Variants in FAF1 observed in about 807,000 individuals in gnomAD.
The protein encoded by FAF1 is FAS-associated factor 1.
Under a neutral mutation model 92.5 loss-of-function variants are expected in FAF1, and 25 were observed. The observed-to-expected ratio is 0.27, with a 90% confidence interval of 0.20 to 0.38. FAF1 has a LOEUF of 0.38. FAF1 is among the 10% of genes least tolerant of loss of function. The pLI, the probability that FAF1 is intolerant of heterozygous loss-of-function variation, is 1.00. For missense variants in FAF1, 636 were observed against 793.3 expected, an observed-to-expected ratio of 0.80 and a Z score of 2.38; for synonymous variants, 234 against 273.2, an observed-to-expected ratio of 0.86 and a Z score of 1.42.
chr1:50,810,179 T>C (rs927101644), intron 2 of FAF1, among the ~76,000 whole-genome samples: 9 of 152,114 alleles, frequency 5.9e-5, no homozygotes, highest in African/African-American at 1.9e-4. Context: ...TGCTTGAACC[T>C]GGGAGACAGA....
At chr1:50,721,138 A>G (rs115955738) in intron 6 of FAF1, among the ~76,000 whole-genome samples, 1 of 152,130 alleles carries the variant, frequency 6.6e-6, no homozygotes, top group Non-Finnish European at 1.5e-5. Flanking sequence ...CATGAAAATA[A>G]CAAAAAGTTG....
intron 15 of FAF1, among the ~76,000 whole-genome samples, chr1:50,517,615 G>A (rs1372388264): frequency 6.6e-6 from 1 of 152,218 alleles, no homozygotes; most frequent in African/African-American, 2.4e-5. Context: ...AGGTGATTGT[G>A]ATACTAGTAG....
chr1:50,959,737 G>A (rs1171138122), intron 1 of FAF1, 30 bp downstream of exon 1: 3 of 1,593,384 alleles, frequency 1.9e-6, no homozygotes, highest in East Asian at 2.3e-5. Flanking sequence ...GAGGTTGGAA[G>A]TGGGAGGGGA....
chr1:50,581,829 A>C (rs1046278716), intron 12 of FAF1, among the ~76,000 whole-genome samples: 11 of 152,206 alleles, frequency 7.2e-5, no homozygotes, highest in Non-Finnish European at 1.6e-4. Context: ...CACTATTGCC[A>C]GATTTATTTA....
chr1:50,649,178 A>G (rs1246721119), intron 8 of FAF1, among the ~76,000 whole-genome samples: 2 of 150,650 alleles, frequency 1.3e-5, no homozygotes, highest in African/African-American at 4.9e-5. Context: ...TTTTTTAGAC[A>G]GAGTTTTGCT....
At chr1:50,652,866 T>C (rs1557457368) in intron 8 of FAF1, among the ~76,000 whole-genome samples, 1 of 152,188 alleles carries the variant, frequency 6.6e-6, no homozygotes, top group Non-Finnish European at 1.5e-5. Flanking sequence ...GTCGACTCAT[T>C]TACTGAGTGT....
chr1:50,748,408 A>C (rs983081699), intron 4 of FAF1, among the ~76,000 whole-genome samples: 3 of 152,018 alleles, frequency 2.0e-5, no homozygotes, highest in Non-Finnish European at 4.4e-5. Flanking sequence ...GAGGCAGGAG[A>C]ATCACTTGAA....
intron 15 of FAF1, among the ~76,000 whole-genome samples, chr1:50,530,297 ATGAG>A (rs1042561469): frequency 2.3e-5 from 3 of 131,936 alleles, no homozygotes; most frequent in African/African-American, 5.5e-5. Context: ...GTATATATGT[ATGAG>A]TGTGTGTGTG....
intron 1 of FAF1, among the ~76,000 whole-genome samples, chr1:50,890,052 T>C (rs1644705943): frequency 6.6e-6 from 1 of 152,194 alleles, no homozygotes; most frequent in African/African-American, 2.4e-5. Flanking sequence ...GGTGCTCCTG[T>C]ATTGGGTGCA....
rs1036250638 is a variant in FAF1 at position 50,847,511 on chromosome 1, T to C, written c.114+10418A>G. On this transcript the variant is annotated intron_variant, in intron 2 of 18. Coordinates refer to ENST00000396153, the MANE Select transcript of FAF1 (RefSeq NM_007051.3). The stretch of plus-strand genomic sequence containing the variant: ...ACAGTCAAGGAAAGAATAAGTGAAA[T>C]TGAAGATAGATCTATAGAAATTACT... 4.7e-5 allele frequency among the ~76,000 whole-genome samples: 7 copies of C among 148,986 alleles called. No individual in the cohort carries two copies. The East Asian group carries it at 1.2e-3, about 25-fold the overall frequency.
At position 50,484,801 on chromosome 1, in the gene FAF1, C is replaced by A. The variant is rs74929965; in HGVS notation, c.1653+5787G>T. ...TGGTTCTGCTTTTATCAGGCTTATA[C>A]GTTAGGTAAAAATTTAAAAGTAGGC... On this transcript the variant is annotated intron_variant, in intron 17 of 18. Coordinates refer to ENST00000396153, the MANE Select transcript of FAF1 (RefSeq NM_007051.3). Among the ~76,000 whole-genome samples, 1,392 of 152,074 alleles carry A rather than the reference C, an allele frequency of 9.2e-3. 19 individuals are homozygous for A. Among genetic ancestry groups the A allele is most frequent in the African/African-American group, 0.032 (1,340 of 41,454 alleles).
At chr1:50,703,277 AAACT>A (rs1316372397) in intron 7 of FAF1, among the ~76,000 whole-genome samples, 2 of 152,208 alleles carry the variant, frequency 1.3e-5, no homozygotes, top group African/African-American at 4.8e-5. Flanking sequence ...TGATGCAATC[AAACT>A]AACTTTCCAA....
chr1:50,615,390 C>T (rs1459015389), intron 8 of FAF1, among the ~76,000 whole-genome samples: 1 of 152,064 alleles, frequency 6.6e-6, no homozygotes, highest in East Asian at 1.9e-4. Flanking sequence ...TGTATATACC[C>T]GTAATGGAAC....
chr1:50,696,892 TCAAAA>T (rs1320882585), intron 7 of FAF1, among the ~76,000 whole-genome samples: 1 of 152,210 alleles, frequency 6.6e-6, no homozygotes, highest in Non-Finnish European at 1.5e-5. Flanking sequence ...AATTGTATGA[TCAAAA>T]TATATACTTA....
At chr1:50,910,151 C>T (rs534747939) in intron 1 of FAF1, among the ~76,000 whole-genome samples, 2 of 152,324 alleles carry the variant, frequency 1.3e-5, no homozygotes, top group South Asian at 4.1e-4. Flanking sequence ...AGGTCCACTC[C>T]AGACCCTGTT....
intron 7 of FAF1, among the ~76,000 whole-genome samples, chr1:50,671,609 T>G (rs1193352253): frequency 6.6e-6 from 1 of 152,200 alleles, no homozygotes; most frequent in Non-Finnish European, 1.5e-5. Context: ...ATCCCTTTTT[T>G]TGGGTCAAGA....
At chr1:50,777,584 C>A (rs1661009157) in intron 4 of FAF1, among the ~76,000 whole-genome samples, 1 of 152,052 alleles carries the variant, frequency 6.6e-6, no homozygotes, top group Non-Finnish European at 1.5e-5. Flanking sequence ...ATACGGTAAA[C>A]TATACCAGAG....
chr1:50,747,171 A>G (rs1436289846), intron 4 of FAF1, among the ~76,000 whole-genome samples: 1 of 152,154 alleles, frequency 6.6e-6, no homozygotes, highest in African/African-American at 2.4e-5. Flanking sequence ...CTGTGAGAAG[A>G]AGGCCACCAT....
intron 1 of FAF1, among the ~76,000 whole-genome samples, chr1:50,888,073 C>G (rs1644684917): frequency 6.6e-6 from 1 of 152,156 alleles, no homozygotes; most frequent in East Asian, 1.9e-4. Flanking sequence ...GTTTGTAGTT[C>G]TCCTTGAAGA....
Sources: gnomAD v4.1 joint callset for allele counts (sites outside exome capture counted in the v4.1 genomes callset) on GRCh38, gnomAD v4.1.1 for gene constraint, MANE v1.5 for transcripts, NCBI Gene and HGNC (gene_info 2026-07-23, HGNC 2026-07-21) for gene names.